Variants in GPC6 observed in about 807,000 individuals in gnomAD.
GPC6 encodes glypican-6.
GPC6 carries 14 observed loss-of-function variants against 55.2 expected under a neutral mutation model. That is an observed-to-expected ratio of 0.25 (90% CI 0.17 to 0.40). The LOEUF (loss-of-function observed/expected upper bound fraction) is 0.40, where lower values mean the gene tolerates loss of function less well. Ranked by LOEUF, GPC6 falls within the 10% of genes least tolerant of loss-of-function variation. The probability of loss-of-function intolerance (pLI) is 1.00; values close to 1 mark genes in which losing one functional copy is unlikely to be tolerated. For missense variants in GPC6, 641 were observed against 708.5 expected (o/e 0.90, Z 1.08); for synonymous variants, 278 against 259.6 (o/e 1.07, Z -0.68).
At chr13:93,677,599 G>A (rs1475316479) in intron 2 of GPC6, among the ~76,000 whole-genome samples, 2 of 152,096 alleles carry the variant, frequency 1.3e-5, no homozygotes, top group African/African-American at 4.8e-5. Flanking sequence ...AGACTAAACT[G>A]TGCTCAGACT....
chr13:93,373,860 A>C (rs922512599), intron 1 of GPC6, among the ~76,000 whole-genome samples: 2 of 152,184 alleles, frequency 1.3e-5, no homozygotes, highest in African/African-American at 4.8e-5. Context: ...GTTTCTTTTA[A>C]TATAACTCAG....
intron 1 of GPC6, among the ~76,000 whole-genome samples, chr13:93,533,848 T>G (rs994759521): frequency 6.6e-6 from 1 of 152,032 alleles, no homozygotes; most frequent in Non-Finnish European, 1.5e-5. Flanking sequence ...TTCCAAGGAT[T>G]CGTCCAAGAA....
chr13:94,031,110 A>G (rs956207366), intron 4 of GPC6, among the ~76,000 whole-genome samples: 4 of 148,016 alleles, frequency 2.7e-5, no homozygotes, highest in South Asian at 2.1e-4. Context: ...GTGTGCGTGC[A>G]TGTGTGTGTG....
At chr13:93,724,441 A>G (rs942833152) in intron 2 of GPC6, among the ~76,000 whole-genome samples, 5 of 151,990 alleles carry the variant, frequency 3.3e-5, no homozygotes, top group African/African-American at 9.7e-5. Context: ...TCTATCTTAT[A>G]CTTTCTCGTG....
intron 1 of GPC6, among the ~76,000 whole-genome samples, chr13:93,376,604 A>G (rs1419043384): frequency 1.3e-5 from 2 of 152,214 alleles, no homozygotes; most frequent in Non-Finnish European, 2.9e-5. Flanking sequence ...GCTTGAAAGA[A>G]CAGAACACCC....
At chr13:93,504,331 G>A (rs1397844897) in intron 1 of GPC6, among the ~76,000 whole-genome samples, 2 of 152,118 alleles carry the variant, frequency 1.3e-5, no homozygotes, top group Non-Finnish European at 2.9e-5. Flanking sequence ...TCCAAATATT[G>A]AACAGGACAT....
chr13:93,242,966 C>T (rs1022544017), intron 1 of GPC6, among the ~76,000 whole-genome samples: 20 of 152,166 alleles, frequency 1.3e-4, no homozygotes, highest in African/African-American at 3.6e-4. Flanking sequence ...AACAAAGTCT[C>T]GCAATGGGTG....
At chr13:93,598,868 T>C (rs1373858871) in intron 2 of GPC6, among the ~76,000 whole-genome samples, 2 of 152,200 alleles carry the variant, frequency 1.3e-5, no homozygotes, top group Non-Finnish European at 2.9e-5. Flanking sequence ...TTAATAGCTT[T>C]CTGTTATTTT....
intron 2 of GPC6, among the ~76,000 whole-genome samples, chr13:93,767,295 A>G (rs1402113013): frequency 6.6e-6 from 1 of 152,146 alleles, no homozygotes; most frequent in African/African-American, 2.4e-5. Context: ...TCCACCAGAA[A>G]AATCATGTTT....
intron 7 of GPC6, among the ~76,000 whole-genome samples, chr13:94,389,998 A>G (rs1880574728): frequency 6.6e-6 from 1 of 152,246 alleles, no homozygotes; most frequent in Admixed American, 6.5e-5. Flanking sequence ...TGATCCTGAC[A>G]GAAATATTGT....
chr13:93,350,699 C>G (rs1048602603), intron 1 of GPC6, among the ~76,000 whole-genome samples: 1 of 152,024 alleles, frequency 6.6e-6, no homozygotes, highest in African/African-American at 2.4e-5. Context: ...ATATTTTATA[C>G]GAAGACCCAG....
intron 1 of GPC6, among the ~76,000 whole-genome samples, chr13:93,367,236 G>C (rs978357118): frequency 1.6e-4 from 25 of 152,014 alleles, no homozygotes; most frequent in African/African-American, 5.8e-4. Context: ...AAATAATAGT[G>C]TCAATTGTGT....
At chr13:93,671,199 G>T (rs945067869) in intron 2 of GPC6, among the ~76,000 whole-genome samples, 2 of 152,002 alleles carry the variant, frequency 1.3e-5, no homozygotes, top group Non-Finnish European at 2.9e-5. Context: ...AACACAAATG[G>T]TGCCTTTTCT....
At chr13:93,401,741 G>C (rs1011728649) in intron 1 of GPC6, among the ~76,000 whole-genome samples, 2 of 142,534 alleles carry the variant, frequency 1.4e-5, no homozygotes, top group Admixed American at 1.4e-4. Context: ...TCAAGCTTTT[G>C]GAAAGCATTG....
chr13:93,742,352 T>C (rs1884235987), intron 2 of GPC6, among the ~76,000 whole-genome samples: 1 of 152,200 alleles, frequency 6.6e-6, no homozygotes, highest in South Asian at 2.1e-4. Context: ...TCTCCTATAA[T>C]TCATTAAATG....
chr13:94,255,123 G>A (rs562318597), intron 4 of GPC6, among the ~76,000 whole-genome samples: 1 of 152,272 alleles, frequency 6.6e-6, no homozygotes, highest in East Asian at 1.9e-4. Flanking sequence ...GCAGTTGTTA[G>A]AATCCCAGCC....
At chr13:93,673,355 G>A (rs1168818810) in intron 2 of GPC6, among the ~76,000 whole-genome samples, 1 of 152,074 alleles carries the variant, frequency 6.6e-6, no homozygotes, top group African/African-American at 2.4e-5. Context: ...CACAGAGAAT[G>A]AAGAATTTAA....
At chr13:93,865,497 C>T (rs1266920342) in intron 3 of GPC6, among the ~76,000 whole-genome samples, 2 of 151,676 alleles carry the variant, frequency 1.3e-5, no homozygotes, top group Non-Finnish European at 3.0e-5. Context: ...CACTGTGGAT[C>T]TGATGGAAGG....
chr13:93,856,301 G>A (rs1474471006), intron 3 of GPC6, among the ~76,000 whole-genome samples: 2 of 151,552 alleles, frequency 1.3e-5, no homozygotes, highest in Non-Finnish European at 3.0e-5. Flanking sequence ...CCTAAGTGAT[G>A]TCAAGTGGGT....
Sources: gnomAD v4.1 joint callset for allele counts (sites outside exome capture counted in the v4.1 genomes callset) on GRCh38, gnomAD v4.1.1 for gene constraint, MANE v1.5 for transcripts, NCBI Gene and HGNC (gene_info 2026-07-23, HGNC 2026-07-21) for gene names.